The following IQCJ variants were observed in gnomAD, a reference collection of about 807,000 sequenced individuals.
IQCJ encodes the protein IQ domain-containing protein J.
A neutral mutation model predicts 11.0 loss-of-function variants in IQCJ; 9 were observed. That is an observed-to-expected ratio of 0.82 (90% CI 0.49 to 1.43). The LOEUF (loss-of-function observed/expected upper bound fraction) is 1.43, where lower values mean the gene tolerates loss of function less well. IQCJ is among the 40% of genes most tolerant of loss of function. The pLI, the probability that IQCJ is intolerant of heterozygous loss-of-function variation, is 0.00. For synonymous variants in IQCJ, 55 were observed against 51.3 expected (o/e 1.07, Z -0.31); for missense variants, 146 against 133.2 (o/e 1.10, Z -0.47).
At chr3:159,150,764 CT>C (rs1721168170) in intron 1 of IQCJ, among the ~76,000 whole-genome samples, 1 of 152,132 alleles carries the variant, frequency 6.6e-6, no homozygotes, top group African/African-American at 2.4e-5. Flanking sequence ...TTGAGTGCCT[CT>C]GTTAGACTGC....
chr3:159,252,118 C>T (rs530708467), intron 2 of IQCJ, among the ~76,000 whole-genome samples: 2 of 152,264 alleles, frequency 1.3e-5, no homozygotes, highest in South Asian at 2.1e-4. Context: ...TCTCAACTTA[C>T]CTACTTCCTA....
chr3:159,090,431 C>T (rs999122230), intron 1 of IQCJ, among the ~76,000 whole-genome samples: 1 of 151,792 alleles, frequency 6.6e-6, no homozygotes, highest in South Asian at 2.1e-4. Flanking sequence ...CTCCTCCACC[C>T]TCACATAAGT....
chr3:159,231,188 T>C (rs148387525), intron 1 of IQCJ, among the ~76,000 whole-genome samples: 2 of 152,290 alleles, frequency 1.3e-5, no homozygotes, highest in African/African-American at 4.8e-5. Context: ...AGGCATCTTA[T>C]ATGGGCAACA....
At chr3:159,129,330 G>A (rs1340489799) in intron 1 of IQCJ, among the ~76,000 whole-genome samples, 2 of 152,172 alleles carry the variant, frequency 1.3e-5, no homozygotes, top group African/African-American at 4.8e-5. Flanking sequence ...TCACTTAATA[G>A]TTTGAGAAGC....
At chr3:159,081,098 A>G (rs934636863) in intron 1 of IQCJ, among the ~76,000 whole-genome samples, 3 of 152,082 alleles carry the variant, frequency 2.0e-5, no homozygotes, top group Non-Finnish European at 4.4e-5. Context: ...CAGTGATTTC[A>G]TCATGGACTC....
chr3:159,092,463 G>T (rs866862181), intron 1 of IQCJ, among the ~76,000 whole-genome samples: 1 of 151,852 alleles, frequency 6.6e-6, no homozygotes, highest in Non-Finnish European at 1.5e-5. Context: ...ACTTTGGGAG[G>T]CCAAGGTGGG....
At chr3:159,113,468 C>G (rs1224818455) in intron 1 of IQCJ, among the ~76,000 whole-genome samples, 1 of 152,224 alleles carries the variant, frequency 6.6e-6, no homozygotes, top group African/African-American at 2.4e-5. Context: ...AGCCTTGTGA[C>G]AGCGTCTGTC....
chr3:159,120,342 G>A (rs1342431627), intron 1 of IQCJ, among the ~76,000 whole-genome samples: 1 of 152,178 alleles, frequency 6.6e-6, no homozygotes, highest in South Asian at 2.1e-4. Flanking sequence ...ATAGTTCAGG[G>A]ACCTAGGCTT....
At chr3:159,189,740 G>A (rs543995633) in intron 1 of IQCJ, among the ~76,000 whole-genome samples, 5 of 152,318 alleles carry the variant, frequency 3.3e-5, no homozygotes, top group Admixed American at 2.0e-4. Context: ...CAGAGAGGCC[G>A]TCACTAGTCG....
At chr3:159,109,671 G>A (rs1324004454) in intron 1 of IQCJ, among the ~76,000 whole-genome samples, 1 of 152,060 alleles carries the variant, frequency 6.6e-6, no homozygotes, top group African/African-American at 2.4e-5. Flanking sequence ...GTGTGGGTGT[G>A]TGTGTGTGTG....
At chr3:159,174,976 G>T (rs1722693641) in intron 1 of IQCJ, among the ~76,000 whole-genome samples, 1 of 152,060 alleles carries the variant, frequency 6.6e-6, no homozygotes, top group African/African-American at 2.4e-5. Context: ...TGTTAGCCAA[G>T]CGATTGCCCC....
chr3:159,109,387 T>G (rs989129783), intron 1 of IQCJ, among the ~76,000 whole-genome samples: 9 of 152,224 alleles, frequency 5.9e-5, no homozygotes, highest in African/African-American at 1.7e-4. Flanking sequence ...GAGCCTTAAG[T>G]TAATGATCTC....
intron 2 of IQCJ, among the ~76,000 whole-genome samples, chr3:159,247,139 C>G (rs553168345): frequency 1.3e-5 from 2 of 152,120 alleles, no homozygotes; most frequent in South Asian, 4.1e-4. Context: ...CTCTGTTGCC[C>G]AGGCTGGAGT....
At chr3:159,215,324 G>A (rs1426393823) in intron 1 of IQCJ, among the ~76,000 whole-genome samples, 1 of 152,100 alleles carries the variant, frequency 6.6e-6, no homozygotes, top group Non-Finnish European at 1.5e-5. Context: ...CCAGGACTAG[G>A]GAGGACACCT....
chr3:159,110,754 C>A (rs1718574527), intron 1 of IQCJ, among the ~76,000 whole-genome samples: 1 of 152,182 alleles, frequency 6.6e-6, no homozygotes. Context: ...AGCTGTTCTG[C>A]ATCTGGCATA....
At chr3:159,248,360 G>C (rs980408933) in intron 2 of IQCJ, among the ~76,000 whole-genome samples, 53 of 152,174 alleles carry the variant, frequency 3.5e-4, no homozygotes, top group African/African-American at 1.2e-3. Flanking sequence ...TGAAGTTTCT[G>C]TTCATTTATT....
intron 1 of IQCJ, among the ~76,000 whole-genome samples, chr3:159,192,686 T>C (rs948441345): frequency 2.0e-5 from 3 of 152,208 alleles, no homozygotes; most frequent in Admixed American, 2.0e-4. Context: ...AGAGAAATTA[T>C]ATTGTGCATT....
chr3:159,236,171 T>A (rs1726571252), intron 1 of IQCJ, among the ~76,000 whole-genome samples: 2 of 152,028 alleles, frequency 1.3e-5, no homozygotes, highest in South Asian at 4.2e-4. Flanking sequence ...GAAATTCGTG[T>A]TTAGCTGCAA....
intron 1 of IQCJ, among the ~76,000 whole-genome samples, chr3:159,139,540 C>T (rs1303771550): frequency 1.3e-5 from 2 of 152,168 alleles, no homozygotes; most frequent in Non-Finnish European, 2.9e-5. Flanking sequence ...CTGAAGTCTA[C>T]TTGCCAAAGT....
Sources: allele counts gnomAD v4.1 joint callset (sites outside exome capture counted in the v4.1 genomes callset), GRCh38; gene constraint gnomAD v4.1.1; transcripts MANE v1.5; gene names NCBI Gene and HGNC (gene_info 2026-07-23, HGNC 2026-07-21).